Variants in HMGB1 observed in about 807,000 individuals in gnomAD.
The protein encoded by HMGB1 is high mobility group box 1, also known as high mobility group protein B1.
For missense variants in HMGB1, 79 were observed against 253.5 expected (o/e 0.31, Z 4.67); for synonymous variants, 81 against 84.0 (o/e 0.96, Z 0.19).
At chr13:30,524,537 T>C (rs951568188) in intron 1 of HMGB1, among the ~76,000 whole-genome samples, 4 of 151,426 alleles carry the variant, frequency 2.6e-5, no homozygotes, top group Non-Finnish European at 4.4e-5. Context: ...ACCAAACACT[T>C]ATAAAACCAC....
chr13:30,565,224 T>C (rs1461084079), intron 1 of HMGB1, among the ~76,000 whole-genome samples: 1 of 152,224 alleles, frequency 6.6e-6, no homozygotes, highest in East Asian at 1.9e-4. Context: ...CTTTGTCCTT[T>C]TAAAATAATT....
intron 1 of HMGB1, among the ~76,000 whole-genome samples, chr13:30,585,306 C>T (rs1007728462): frequency 6.6e-6 from 1 of 151,892 alleles, no homozygotes; most frequent in Non-Finnish European, 1.5e-5. Context: ...GTGACAGAGA[C>T]CCAGTTTCAA....
intron 1 of HMGB1, among the ~76,000 whole-genome samples, chr13:30,492,604 A>G (rs1434261833): frequency 6.6e-6 from 1 of 152,202 alleles, no homozygotes; most frequent in Non-Finnish European, 1.5e-5. Context: ...CTCAAGATAA[A>G]ATGATGACAA....
At position 30,461,180 on chromosome 13, in the gene HMGB1, G is replaced by A; in HGVS notation, c.*177C>T. On this transcript the variant is annotated 3_prime_UTR_variant, in exon 5 of 5. Coordinates refer to ENST00000341423, the MANE Select transcript of HMGB1 (RefSeq NM_002128.7). The stretch of plus-strand genomic sequence containing the variant: ...GCTATTGAAAATACCACCAGGACAG[G>A]GCTATCTAAAGACACATTCGGTAGT... 2 of 1,313,068 alleles carry A rather than the reference G, an allele frequency of 1.5e-6. No individual in the cohort carries two copies. Among genetic ancestry groups the A allele is most frequent in the Non-Finnish European group, 1.0e-6 (1 of 1,002,104 alleles). 81.3% of individuals were successfully genotyped at this position (1,313,068 alleles called of 1,614,324 possible).
intron 1 of HMGB1, among the ~76,000 whole-genome samples, chr13:30,478,538 T>G (rs1007115340): frequency 6.6e-6 from 1 of 152,184 alleles, no homozygotes; most frequent in African/African-American, 2.4e-5. Context: ...ACACAATATC[T>G]TGTGAGAAAA....
In HMGB1 at chr13:30,460,883, G is replaced by T. The variant is rs112677315; in HGVS notation, c.*474C>A. On this transcript the variant is annotated 3_prime_UTR_variant, in exon 5 of 5. Coordinates refer to ENST00000341423, the MANE Select transcript of HMGB1 (RefSeq NM_002128.7). ...AAGAAAAATTTCAGACCTATGAAAA[G>T]GACAACAATACTAATAAAAAAAATT... is the stretch of plus-strand genomic sequence containing the variant. 3.4e-6 allele frequency: 2 copies of T among 585,296 alleles called. No homozygotes were observed. The highest frequency in any genetic ancestry group is 1.3e-4 in the Admixed American group (2 of 15,624). The allele number at this position is 585,296 out of a possible 1,614,324, so 36.3% of individuals were successfully genotyped here.
intron 1 of HMGB1, among the ~76,000 whole-genome samples, chr13:30,582,629 C>T (rs1484165551): frequency 6.7e-6 from 1 of 150,370 alleles, no homozygotes; most frequent in Admixed American, 6.6e-5. Flanking sequence ...CAGAGCAAGA[C>T]TCCATCTAAA....
At chr13:30,610,185 T>C (rs1950500867) in intron 1 of HMGB1, among the ~76,000 whole-genome samples, 1 of 152,162 alleles carries the variant, frequency 6.6e-6, no homozygotes, top group Non-Finnish European at 1.5e-5. Flanking sequence ...ATATATGCTA[T>C]CAGTAAACTT....
In HMGB1 at chr13:30,498,941, C is replaced by T. The variant is rs564175852; in HGVS notation, c.-14-35247G>A. On this transcript the variant is annotated intron_variant, in intron 1 of 4. Transcript: ENST00000405805. ...GGGATTACAAGTGTGAGCCACTGCG[C>T]CCAGCCTCTTTTTTGTTTTTTTTTT... 2.3e-4 allele frequency among the ~76,000 whole-genome samples: 30 copies of T among 133,306 alleles called. No homozygotes were observed. The East Asian group carries it at 6.6e-3, about 29-fold the overall frequency. The allele number at this position is 133,306 out of a possible 152,430, so 87.5% of individuals were successfully genotyped here.
chr13:30,468,770 A>T (rs1886857668), upstream of HMGB1, among the ~76,000 whole-genome samples: 1 of 152,226 alleles, frequency 6.6e-6, no homozygotes, highest in Non-Finnish European at 1.5e-5. Flanking sequence ...TAAAACCAAC[A>T]TCTTCTAGCT....
At chr13:30,516,629 G>C (rs1888107761) in intron 1 of HMGB1, among the ~76,000 whole-genome samples, 2 of 152,136 alleles carry the variant, frequency 1.3e-5, no homozygotes, top group South Asian at 2.1e-4. Flanking sequence ...TAGAAAAATA[G>C]AATCAGGGCT....
At chr13:30,519,122 G>A (rs990557042) in intron 1 of HMGB1, among the ~76,000 whole-genome samples, 20 of 152,070 alleles carry the variant, frequency 1.3e-4, no homozygotes, top group Admixed American at 1.2e-3. Context: ...GCTGGATGCG[G>A]TGGCTCATGC....
At chr13:30,465,958 C>T (rs1037659225), upstream of HMGB1, 3 of 985,966 alleles carry the variant, frequency 3.0e-6, no homozygotes, top group Non-Finnish European at 3.6e-6. Flanking sequence ...AGCGCGGCTC[C>T]TATTGGCTAC....
At chr13:30,518,296 T>C (rs1566012807) in intron 1 of HMGB1, among the ~76,000 whole-genome samples, 2 of 152,228 alleles carry the variant, frequency 1.3e-5, no homozygotes, top group Non-Finnish European at 2.9e-5. Context: ...GTGTTCACGC[T>C]ACTGTACTCC....
At chr13:30,519,539 C>T (rs1168842712) in intron 1 of HMGB1, among the ~76,000 whole-genome samples, 1 of 144,150 alleles carries the variant, frequency 6.9e-6, no homozygotes, top group Non-Finnish European at 1.5e-5. Flanking sequence ...ACTAAAAATA[C>T]AAAAAAAAAA....
chr13:30,556,675 A>G (rs192892205), intron 1 of HMGB1, among the ~76,000 whole-genome samples: 1 of 152,250 alleles, frequency 6.6e-6, no homozygotes, highest in Admixed American at 6.5e-5. Context: ...TAAACAGTGC[A>G]TGTTCTCACT....
In HMGB1 at chr13:30,528,945, T is replaced by C. The variant is rs191095749; in HGVS notation, c.-14-65251A>G. On this transcript the variant is annotated intron_variant, in intron 1 of 4. Transcript: ENST00000405805. ...TTGGTAGGCTGAGGCAGGAGAATGG[T>C]GTGAACCCGGGAGGCGGAGCTTGCA... 7.9e-3 allele frequency among the ~76,000 whole-genome samples: 1,095 copies of C among 139,042 alleles called. 12 individuals carry two copies. Among genetic ancestry groups the C allele is most frequent in the African/African-American group, 0.024 (874 of 36,594 alleles). The allele number at this position is 139,042 out of a possible 152,430, so 91.2% of individuals were successfully genotyped here.
chr13:30,538,646 T>C lies in HMGB1; in HGVS notation c.-14-74952A>G, dbSNP rs553449014. On this transcript the variant is annotated intron_variant, in intron 1 of 4. Transcript: ENST00000405805. ...CTCTCTTTCTTTTTCTTTCTTCCTT[T>C]CTTTCTTTCTTTCTTTCCTTTCTTT... Among the ~76,000 whole-genome samples, 40 of 69,834 alleles carry C rather than the reference T, an allele frequency of 5.7e-4. 1 individual carries two copies. The highest frequency in any genetic ancestry group is 1.6e-3 in the Admixed American group (9 of 5,704). 45.8% of individuals were successfully genotyped at this position (69,834 alleles called of 152,430 possible).
chr13:30,550,674 T>C (rs1869386847), intron 1 of HMGB1, among the ~76,000 whole-genome samples: 1 of 152,184 alleles, frequency 6.6e-6, no homozygotes, highest in South Asian at 2.1e-4. Context: ...AATATCTAGG[T>C]GAGCTTGGCT....
Sources: allele counts gnomAD v4.1 joint callset (sites outside exome capture counted in the v4.1 genomes callset), GRCh38; gene constraint gnomAD v4.1.1; transcripts MANE v1.5; gene names NCBI Gene and HGNC (gene_info 2026-07-23, HGNC 2026-07-21).